The following NETO2 variants were observed in gnomAD, a reference collection of about 807,000 sequenced individuals.
NETO2 encodes the protein neuropilin and tolloid-like protein 2.
A neutral mutation model predicts 62.5 loss-of-function variants in NETO2; 28 were observed. That is an observed-to-expected ratio of 0.45 (90% CI 0.33 to 0.61). NETO2 has a LOEUF of 0.61. Ranked by LOEUF, NETO2 falls within the 20% of genes least tolerant of loss-of-function variation. The pLI is 0.02. For missense variants in NETO2, 548 were observed against 643.2 expected, an observed-to-expected ratio of 0.85 and a Z score of 1.60; for synonymous variants, 214 against 219.1, an observed-to-expected ratio of 0.98 and a Z score of 0.21.
At chr16:47,123,005 A>G in intron 4 of NETO2, 93 bp from the exon 5 acceptor site, 1 of 1,193,266 alleles carries the variant, frequency 8.4e-7, no homozygotes, top group Non-Finnish European at 1.2e-6. Context: ...ATTTCATAGC[A>G]AGGTAAGAGA....
At chr16:47,121,068 C>T (rs1471670257) in intron 6 of NETO2, among the ~76,000 whole-genome samples, 1 of 152,158 alleles carries the variant, frequency 6.6e-6, no homozygotes, top group Non-Finnish European at 1.5e-5. Flanking sequence ...CAGCGATACA[C>T]TCTGGGTAAT....
At chr16:47,138,641 T>C (rs527913913) in intron 1 of NETO2, among the ~76,000 whole-genome samples, 1 of 152,336 alleles carries the variant, frequency 6.6e-6, no homozygotes, top group East Asian at 1.9e-4. Flanking sequence ...TGGACATTTC[T>C]AGACAACTGG....
intron 7 of NETO2, among the ~76,000 whole-genome samples, chr16:47,102,008 C>G (rs1355561532): frequency 1.3e-5 from 2 of 152,172 alleles, no homozygotes; most frequent in South Asian, 4.1e-4. Flanking sequence ...AAGCTGGAGG[C>G]ATCATGCTTC....
intron 6 of NETO2, among the ~76,000 whole-genome samples, chr16:47,113,872 C>T (rs913713832): frequency 5.9e-5 from 9 of 152,090 alleles, no homozygotes; most frequent in African/African-American, 1.4e-4. Context: ...GGATTATAGG[C>T]GTGAACCATC....
rs1964517340 is a variant in NETO2 at position 47,143,795 on chromosome 16, C to G, written c.-183G>C. 2.4e-6 allele frequency: 2 copies of G among 835,398 alleles called. No individual in the cohort carries two copies. Among genetic ancestry groups the G allele is most frequent in the South Asian group, 1.2e-4 (2 of 16,532 alleles). The allele number at this position is 835,398 out of a possible 1,614,324, so 51.7% of individuals were successfully genotyped here. ...CGCCATGCCCGAGCCCCACAGTGGG[C>G]TCCCGCGCGGCCCGAGCACCCCGAC... On this transcript the variant is annotated 5_prime_UTR_variant, in exon 1 of 9. Coordinates refer to ENST00000562435, the MANE Select transcript of NETO2 (RefSeq NM_018092.5).
At chr16:47,137,307 G>A (rs1253017120) in intron 1 of NETO2, among the ~76,000 whole-genome samples, 1 of 152,192 alleles carries the variant, frequency 6.6e-6, no homozygotes, top group African/African-American at 2.4e-5. Flanking sequence ...GTCTGAGGCA[G>A]GGCTTGAGAA....
Position 47,143,839 on chromosome 16 carries a change from C to A in NETO2, c.-227G>T. On this transcript the variant is annotated 5_prime_UTR_variant, in exon 1 of 9. Transcript: ENST00000562435. ...CCCCGACGGGCGCCGCCTCCTGCTC[C>A]GCGGCGCCCCGTCCCATCGACCGCC... 2.4e-6 allele frequency: 1 copy of A among 413,106 alleles called. No homozygotes were observed. The allele number at this position is 413,106 out of a possible 1,614,324, so 25.6% of individuals were successfully genotyped here. A position where few individuals can be genotyped will look rare whatever the true frequency, so the allele number is the denominator to read the frequency against.
chr16:47,117,464 T>C (rs556723333), intron 6 of NETO2, among the ~76,000 whole-genome samples: 2 of 152,352 alleles, frequency 1.3e-5, no homozygotes, highest in South Asian at 4.1e-4. Flanking sequence ...TGTGCCAATC[T>C]CTTCTCCCGC....
chr16:47,093,973 A>G (rs1009758803), intron 7 of NETO2, among the ~76,000 whole-genome samples: 7 of 152,216 alleles, frequency 4.6e-5, no homozygotes, highest in African/African-American at 9.6e-5. Context: ...TATACCACTT[A>G]TAATTTTAAA....
At chr16:47,128,950 C>T (rs1348191607) in intron 3 of NETO2, among the ~76,000 whole-genome samples, 1 of 152,078 alleles carries the variant, frequency 6.6e-6, no homozygotes, top group Middle Eastern at 3.2e-3. Flanking sequence ...ATAAGGGATG[C>T]CAGTAAGTTT....
chr16:47,142,141 C>T (rs1964472383), intron 1 of NETO2, among the ~76,000 whole-genome samples: 1 of 152,174 alleles, frequency 6.6e-6, no homozygotes. Flanking sequence ...TACGGTTTAT[C>T]ACGAAAGAGT....
At chr16:47,122,568 A>G in intron 6 of NETO2, 89 bp downstream of exon 6, 1 of 1,449,958 alleles carries the variant, frequency 6.9e-7, no homozygotes, top group South Asian at 1.4e-5. Context: ...TGTAGTCAAT[A>G]AATATTTACA....
chr16:47,103,846 C>T (rs1180114962), intron 7 of NETO2, among the ~76,000 whole-genome samples: 1 of 152,034 alleles, frequency 6.6e-6, no homozygotes, highest in South Asian at 2.1e-4. Flanking sequence ...TTCATAAGAA[C>T]ATTCAATTAA....
intron 6 of NETO2, among the ~76,000 whole-genome samples, chr16:47,113,063 T>C (rs1041778735): frequency 2.0e-5 from 3 of 152,230 alleles, no homozygotes; most frequent in Non-Finnish European, 2.9e-5. Context: ...CATTGTTGTC[T>C]TCTCTTTATG....
intron 7 of NETO2, among the ~76,000 whole-genome samples, chr16:47,108,586 C>T (rs1301337847): frequency 2.0e-5 from 3 of 152,160 alleles, no homozygotes; most frequent in Non-Finnish European, 4.4e-5. Context: ...GATGGACATT[C>T]TACTAAACTG....
chr16:47,141,539 T>C (rs1964461674), intron 1 of NETO2, among the ~76,000 whole-genome samples: 1 of 152,172 alleles, frequency 6.6e-6, no homozygotes, highest in Admixed American at 6.5e-5. Context: ...TTCCTGTCTT[T>C]TAATCCCCTA....
intron 7 of NETO2, among the ~76,000 whole-genome samples, chr16:47,107,032 T>C (rs1393302578): frequency 6.6e-6 from 1 of 152,220 alleles, no homozygotes; most frequent in African/African-American, 2.4e-5. Context: ...TCCGCCGACC[T>C]TGGCCTCCCA....
At chr16:47,133,020 T>C (rs1283101941) in intron 1 of NETO2, among the ~76,000 whole-genome samples, 2 of 152,222 alleles carry the variant, frequency 1.3e-5, no homozygotes, top group Admixed American at 1.3e-4. Flanking sequence ...AGTATTTTTA[T>C]GTGCCAGACA....
intron 7 of NETO2, among the ~76,000 whole-genome samples, chr16:47,099,724 A>G (rs1323871507): frequency 6.6e-6 from 1 of 152,220 alleles, no homozygotes; most frequent in East Asian, 1.9e-4. Context: ...AGGGCATTAC[A>G]TAATGGTAAA....
Sources: allele counts gnomAD v4.1 joint callset (sites outside exome capture counted in the v4.1 genomes callset), GRCh38; gene constraint gnomAD v4.1.1; transcripts MANE v1.5; gene names NCBI Gene and HGNC (gene_info 2026-07-23, HGNC 2026-07-21).